AGBL3: variants seen among roughly 807,000 people sequenced by gnomAD.
The protein encoded by AGBL3 is AGBL carboxypeptidase 3, also known as cytosolic carboxypeptidase 3.
AGBL3 carries 68 observed loss-of-function variants against 94.5 expected under a neutral mutation model. The ratio of observed to expected loss-of-function variants is 0.72; its 90% CI spans 0.59 to 0.88. AGBL3 has a LOEUF of 0.88. Ranked by LOEUF, AGBL3 falls within the 40% of genes least tolerant of loss-of-function variation. AGBL3 has a pLI of 0.00. For missense variants in AGBL3, 934 were observed against 1,103.8 expected, an observed-to-expected ratio of 0.85 and a Z score of 2.18; for synonymous variants, 354 against 370.7, an observed-to-expected ratio of 0.95 and a Z score of 0.52.
chr7:135,038,757 C>A (rs1002916020), intron 8 of AGBL3, among the ~76,000 whole-genome samples: 1 of 152,074 alleles, frequency 6.6e-6, no homozygotes, highest in Non-Finnish European at 1.5e-5. Context: ...GTCAGGAGAT[C>A]GAGACCATCC....
intron 4 of AGBL3, among the ~76,000 whole-genome samples, chr7:135,006,939 G>A (rs1265735103): frequency 3.3e-5 from 5 of 151,856 alleles, no homozygotes; most frequent in Non-Finnish European, 7.4e-5. Context: ...AGATGAAATG[G>A]ACACATGACT....
At chr7:135,101,096 C>T (rs1444203261) in intron 15 of AGBL3, 1 of 443,462 alleles carries the variant, frequency 2.3e-6, no homozygotes, top group Non-Finnish European at 4.5e-6. Flanking sequence ...AAGTATGACT[C>T]AGAGTCATAG....
At chr7:135,105,791 T>A (rs538504700) in intron 15 of AGBL3, among the ~76,000 whole-genome samples, 1 of 152,344 alleles carries the variant, frequency 6.6e-6, no homozygotes, top group South Asian at 2.1e-4. Flanking sequence ...CATTGGTAGT[T>A]TGATAGGAAT....
At chr7:135,062,403 T>C (rs988321175) in intron 12 of AGBL3, among the ~76,000 whole-genome samples, 8 of 152,222 alleles carry the variant, frequency 5.3e-5, no homozygotes, top group East Asian at 3.9e-4. Context: ...CTATGTTGAA[T>C]AGAAGTGGTA....
chr7:135,006,513 A>G (rs1207736976), intron 4 of AGBL3, among the ~76,000 whole-genome samples: 3 of 152,096 alleles, frequency 2.0e-5, no homozygotes, highest in South Asian at 2.1e-4. Flanking sequence ...TTTTGTTCAT[A>G]TAACAGTGGA....
chr7:135,130,040 C>A (rs780436474), intron 16 of AGBL3, among the ~76,000 whole-genome samples: 15 of 152,044 alleles, frequency 9.9e-5, no homozygotes, highest in Non-Finnish European at 1.5e-5. Flanking sequence ...ACTTACAGAC[C>A]CTTTGTCTCT....
chr7:135,122,294 C>T (rs185531314), intron 16 of AGBL3, among the ~76,000 whole-genome samples: 11 of 152,276 alleles, frequency 7.2e-5, no homozygotes, highest in African/African-American at 2.6e-4. Flanking sequence ...CCTCTTCAGG[C>T]CTGACCCTGA....
intron 4 of AGBL3, among the ~76,000 whole-genome samples, chr7:134,996,746 T>C (rs911748503): frequency 1.3e-5 from 2 of 152,226 alleles, no homozygotes; most frequent in African/African-American, 4.8e-5. Flanking sequence ...TGTGGCCTAA[T>C]GCATATATAC....
rs1420607876 is a variant in AGBL3 at position 135,034,576 on chromosome 7, T to G, written c.985T>G (p.Cys329Gly). 1 of 1,551,874 alleles carries G rather than the reference T, an allele frequency of 6.4e-7. No homozygotes were observed. The highest frequency in any genetic ancestry group is 8.7e-7 in the Non-Finnish European group (1 of 1,147,004). ...AAAGTTTTGTAAAATACGTGTTTTG[T>G]GCCACACGCTTGCTAGGAACATGGT... is the stretch of plus-strand genomic sequence containing the variant. ...RSKFCKIRVLCHTLARNMVYI... is the reference protein window; with the variant it reads ...RSKFCKIRVLGHTLARNMVYI... Residue 329 changes from cysteine to glycine, a missense_variant, in exon 7 of 17, where the codon TGC becomes GGC. Coordinates refer to ENST00000436302, the MANE Select transcript of AGBL3 (RefSeq NM_178563.4).
intron 13 of AGBL3, among the ~76,000 whole-genome samples, chr7:135,077,396 G>A (rs1372463066): frequency 3.9e-5 from 6 of 152,060 alleles, no homozygotes; most frequent in South Asian, 2.1e-4. Context: ...TCCACCTACA[G>A]TTCATCTCCT....
intron 4 of AGBL3, chr7:134,995,561 T>C (rs1447112472): frequency 2.6e-5 from 4 of 152,206 alleles, no homozygotes; most frequent in Admixed American, 6.5e-5. Flanking sequence ...GCCTCTTCTA[T>C]TGAAATTCTA....
At chr7:135,072,357 A>G (rs1422160317) in intron 12 of AGBL3, among the ~76,000 whole-genome samples, 14 of 152,188 alleles carry the variant, frequency 9.2e-5, no homozygotes, top group Non-Finnish European at 1.9e-4. Flanking sequence ...TCAGTGTGGC[A>G]ATTCCTCAGG....
In AGBL3 at chr7:135,059,236, G is replaced by A. The variant is rs1818609167; in HGVS notation, c.1908+1G>A. The A allele has an allele frequency of 6.5e-7, 1 of 1,549,912 alleles. No individual in the cohort carries two copies. Among genetic ancestry groups the A allele is most frequent in the Non-Finnish European group, 8.7e-7 (1 of 1,145,776 alleles). ...TTACCTTCTCAAGTTAACTTCTCAG[G>A]TATGACTGAACATTTTTGCTTATAT... is the stretch of plus-strand genomic sequence containing the variant. On this transcript the variant is annotated splice_donor_variant, in intron 12 of 16. Coordinates refer to ENST00000436302, the MANE Select transcript of AGBL3 (RefSeq NM_178563.4). LOFTEE classifies it high-confidence loss of function.
At position 135,083,476 on chromosome 7, in the gene AGBL3, TTCTC is replaced by T. The variant is rs201330248; in HGVS notation, c.2110+1696_2110+1699del. Reference sequence around the variant, plus strand: ...AATTTCAAGAATAGTAAAAAAAACTTTCTCTCTCTCTCTATTAATCAATCTATCT... The same window carrying T: ...AATTTCAAGAATAGTAAAAAAAACTTTCTCTCTCTATTAATCAATCTATCT... On this transcript the variant is annotated intron_variant, in intron 15 of 16. Transcript: ENST00000436302. Among the ~76,000 whole-genome samples the T allele has an allele frequency of 4.1e-4, 62 of 152,122 alleles. 1 individual carries two copies. In the East Asian group the frequency reaches 6.0e-3, roughly 15 times the overall value.
intron 12 of AGBL3, among the ~76,000 whole-genome samples, chr7:135,070,601 A>G (rs1313506072): frequency 1.3e-5 from 2 of 152,236 alleles, no homozygotes; most frequent in Non-Finnish European, 2.9e-5. Context: ...AATCCAGCAT[A>G]TAAACAGAAC....
chr7:135,057,697 T>C (rs1818461910), intron 11 of AGBL3, among the ~76,000 whole-genome samples: 2 of 152,190 alleles, frequency 1.3e-5, no homozygotes, highest in South Asian at 4.1e-4. Flanking sequence ...GCTTTATTCA[T>C]GATTGACAAA....
chr7:135,121,669 C>T (rs1177834757), intron 16 of AGBL3, among the ~76,000 whole-genome samples: 1 of 152,044 alleles, frequency 6.6e-6, no homozygotes, highest in Admixed American at 6.6e-5. Context: ...CAGCGGCATT[C>T]GGAGGCTCCC....
intron 16 of AGBL3, among the ~76,000 whole-genome samples, chr7:135,117,551 T>C (rs1417765910): frequency 6.6e-6 from 1 of 152,176 alleles, no homozygotes; most frequent in Admixed American, 6.5e-5. Flanking sequence ...TCACTTACTA[T>C]AGGTAATAGC....
chr7:135,067,466 T>G (rs1209713647), intron 12 of AGBL3, among the ~76,000 whole-genome samples: 2 of 151,978 alleles, frequency 1.3e-5, no homozygotes, highest in Non-Finnish European at 2.9e-5. Flanking sequence ...GACCCCCGAG[T>G]AGCCTAATTG....
Sources: gnomAD v4.1 joint callset for allele counts (sites outside exome capture counted in the v4.1 genomes callset) on GRCh38, gnomAD v4.1.1 for gene constraint, MANE v1.5 for transcripts, NCBI Gene and HGNC (gene_info 2026-07-23, HGNC 2026-07-21) for gene names.